Variants in CATSPERT observed in about 807,000 individuals in gnomAD.
CATSPERT encodes cation channel sperm-associated targeting subunit tau.
chr2:201,490,833 C>T, the CATSPERT span, among the ~76,000 whole-genome samples: 1 of 152,160 alleles, frequency 6.6e-6, no homozygotes, highest in East Asian at 1.9e-4. Context: ...ATGCCATTCT[C>T]CTGCCTCAGC....
At chr2:201,600,732 C>T in the CATSPERT span, among the ~76,000 whole-genome samples, 1 of 149,174 alleles carries the variant, frequency 6.7e-6, no homozygotes, top group Non-Finnish European at 1.5e-5. Flanking sequence ...ATGAATCCTG[C>T]AGCTGTATGG....
chr2:201,516,585 C>A, the CATSPERT span, among the ~76,000 whole-genome samples: 1 of 152,144 alleles, frequency 6.6e-6, no homozygotes, highest in African/African-American at 2.4e-5. Flanking sequence ...GGTGGGGGCA[C>A]AGAACCAGAC....
the CATSPERT span, chr2:201,494,466 A>T: frequency 2.2e-5 from 34 of 1,537,352 alleles, no homozygotes; most frequent in Non-Finnish European, 2.8e-5. Flanking sequence ...CTTTTAAACT[A>T]TTCTTTGTAT....
chr2:201,537,595 A>T, the CATSPERT span: 1 of 774,160 alleles, frequency 1.3e-6, no homozygotes, highest in Non-Finnish European at 2.0e-6. Context: ...GAGCAACTTA[A>T]ATCAAAGCAG....
At chr2:201,572,760 C>T in the CATSPERT span, among the ~76,000 whole-genome samples, 6 of 151,554 alleles carry the variant, frequency 4.0e-5, no homozygotes, top group African/African-American at 1.2e-4. Flanking sequence ...AAAATCAAAG[C>T]AGAGAAGGGA....
the CATSPERT span, chr2:201,545,645 A>AG: frequency 3.6e-6 from 3 of 837,306 alleles, no homozygotes; most frequent in East Asian, 4.0e-5. Context: ...AAAAAAAAAA[A>AG]AAAAAAAAGA....
At chr2:201,491,944 GACTT>G in the CATSPERT span, 1 of 1,536,884 alleles carries the variant, frequency 6.5e-7, no homozygotes, top group Non-Finnish European at 8.7e-7. Flanking sequence ...TATTTCTGAT[GACTT>G]ACTTAATGGA....
chr2:201,525,987 C>G, the CATSPERT span, among the ~76,000 whole-genome samples: 3 of 152,044 alleles, frequency 2.0e-5, no homozygotes, highest in African/African-American at 7.2e-5. Flanking sequence ...ACCTGCCAAT[C>G]AGAAAAAGCC....
chr2:201,516,464 T>TCTC, the CATSPERT span, among the ~76,000 whole-genome samples: 1 of 152,036 alleles, frequency 6.6e-6, no homozygotes, highest in Non-Finnish European at 1.5e-5. Context: ...AACCAGCTGG[T>TCTC]CTCACTCACT....
the CATSPERT span, among the ~76,000 whole-genome samples, chr2:201,610,351 A>T: frequency 3.3e-5 from 5 of 151,954 alleles, no homozygotes; most frequent in Non-Finnish European, 7.4e-5. Context: ...TCAGCTACTC[A>T]GGAGGCTGAG....
chr2:201,530,602 T>C, the CATSPERT span, among the ~76,000 whole-genome samples: 2 of 152,194 alleles, frequency 1.3e-5, no homozygotes, highest in Non-Finnish European at 2.9e-5. Context: ...ATGGAATTCA[T>C]GGCTTAAAGA....
the CATSPERT span, among the ~76,000 whole-genome samples, chr2:201,595,346 G>A: frequency 2.0e-5 from 3 of 151,714 alleles, no homozygotes; most frequent in Admixed American, 6.6e-5. Context: ...CCGCCACCTC[G>A]CCCGGCTAAT....
chr2:201,490,855 C>G, the CATSPERT span, among the ~76,000 whole-genome samples: 1 of 152,142 alleles, frequency 6.6e-6, no homozygotes, highest in East Asian at 1.9e-4. Flanking sequence ...TCCCGAGTAG[C>G]TGGGACTGCA....
At chr2:201,488,723 T>C in the CATSPERT span, among the ~76,000 whole-genome samples, 2 of 152,172 alleles carry the variant, frequency 1.3e-5, no homozygotes, top group East Asian at 3.8e-4. Context: ...GATGGATTAA[T>C]AGAACTGGGG....
chr2:201,534,409 T>C, the CATSPERT span: 3 of 984,964 alleles, frequency 3.0e-6, no homozygotes, highest in Non-Finnish European at 3.6e-6. Context: ...CAAGTGAAAG[T>C]TGAATATTTT....
chr2:201,557,776 T>C, the CATSPERT span: 2 of 152,240 alleles, frequency 1.3e-5, no homozygotes, highest in Non-Finnish European at 2.9e-5. Context: ...AAAGGTCACA[T>C]TTTCCACATC....
chr2:201,595,334 G>A, the CATSPERT span, among the ~76,000 whole-genome samples: 88 of 151,744 alleles, frequency 5.8e-4, no homozygotes, highest in African/African-American at 1.8e-3. Context: ...GACTACAGGC[G>A]CCCGCCACCT....
the CATSPERT span, among the ~76,000 whole-genome samples, chr2:201,508,831 G>A: frequency 6.6e-6 from 1 of 150,912 alleles, no homozygotes; most frequent in African/African-American, 2.4e-5. Context: ...TTTTTTTAAG[G>A]TTGAATAACA....
the CATSPERT span, chr2:201,550,610 C>T: frequency 3.2e-4 from 48 of 152,268 alleles, no homozygotes; most frequent in African/African-American, 1.1e-3. Flanking sequence ...CTATTCCCTG[C>T]TCCCAATTGC....
Sources: allele counts gnomAD v4.1 joint callset (sites outside exome capture counted in the v4.1 genomes callset), GRCh38; gene constraint gnomAD v4.1.1; transcripts MANE v1.5; gene names NCBI Gene and HGNC (gene_info 2026-07-23, HGNC 2026-07-21).